Variants in COG5 observed in about 807,000 individuals in gnomAD.
The protein encoded by COG5 is conserved oligomeric Golgi complex subunit 5.
COG5 carries 86 observed loss-of-function variants against 110.4 expected under a neutral mutation model. The ratio of observed to expected loss-of-function variants is 0.78; its 90% confidence interval spans 0.65 to 0.93. The LOEUF is 0.93. Ranked by LOEUF, COG5 falls within the 40% of genes least tolerant of loss-of-function variation. The pLI, the probability that COG5 is intolerant of heterozygous loss-of-function variation, is 0.00. For missense variants in COG5, 1,077 were observed against 987.0 expected (o/e 1.09, Z -1.22); for synonymous variants, 360 against 334.6 (o/e 1.08, Z -0.83).
intron 6 of COG5, among the ~76,000 whole-genome samples, chr7:107,504,335 C>A (rs574077010): frequency 4.6e-5 from 7 of 152,048 alleles, no homozygotes; most frequent in Admixed American, 1.3e-4. Context: ...TCCCTGCATC[C>A]CTGAAATAAA....
At chr7:107,369,549 G>A (rs1001918445) in intron 8 of COG5, among the ~76,000 whole-genome samples, 1 of 151,866 alleles carries the variant, frequency 6.6e-6, no homozygotes, top group Non-Finnish European at 1.5e-5. Context: ...ACCACGCCCG[G>A]CTAATTTTTC....
At chr7:107,527,216 T>TAA (rs201626701) in intron 6 of COG5, 21 bp downstream of exon 6, 38,367 of 1,355,450 alleles carry the variant, frequency 0.028, 2 homozygotes, top group Non-Finnish European at 0.03. Flanking sequence ...ACTTTTTATT[T>TAA]AAAAAAAAAA....
At chr7:107,495,910 TATTTC>T (rs147728220) in intron 6 of COG5, among the ~76,000 whole-genome samples, 40,088 of 151,382 alleles carry the variant, frequency 0.26, 5,415 homozygotes, top group East Asian at 0.33. Context: ...CCAAATACTT[TATTTC>T]ATTTATTTTT....
intron 7 of COG5, among the ~76,000 whole-genome samples, chr7:107,376,035 G>T (rs191553197): frequency 1.3e-4 from 20 of 151,992 alleles, no homozygotes; most frequent in African/African-American, 4.8e-4. Context: ...TTTTCTACAT[G>T]AATACCCAAT....
At chr7:107,310,750 A>C (rs1173163771) in intron 11 of COG5, among the ~76,000 whole-genome samples, 1 of 152,200 alleles carries the variant, frequency 6.6e-6, no homozygotes, top group Non-Finnish European at 1.5e-5. Context: ...AAGACATCCC[A>C]AAAGAAGAGG....
chr7:107,541,188 A>G (rs539849442), intron 5 of COG5, among the ~76,000 whole-genome samples: 1 of 150,478 alleles, frequency 6.6e-6, no homozygotes, highest in South Asian at 2.1e-4. Context: ...GTATATGTTC[A>G]AGAAGGTAAA....
chr7:107,429,483 G>A (rs543984023), intron 6 of COG5, among the ~76,000 whole-genome samples: 4 of 151,480 alleles, frequency 2.6e-5, no homozygotes, highest in African/African-American at 9.7e-5. Context: ...TAAGAGATGG[G>A]GTCTTGCTAT....
rs183316857 is a variant in COG5 at position 107,262,190 on chromosome 7, G to A, written c.1576-3807C>T. On this transcript the variant is annotated intron_variant, in intron 14 of 21. Transcript: ENST00000297135. ...ACAGGCATGAGCCACCGCACCGGCC[G>A]TCCCTTTGATTCTAATTCCAATAAT... Among the ~76,000 whole-genome samples, 330 of 151,974 alleles carry A rather than the reference G, an allele frequency of 2.2e-3. 2 individuals are homozygous for A. The highest frequency in any genetic ancestry group is 7.5e-3 in the African/African-American group (309 of 41,472).
intron 6 of COG5, among the ~76,000 whole-genome samples, chr7:107,502,946 C>G (rs1476402294): frequency 2.0e-5 from 3 of 152,120 alleles, no homozygotes; most frequent in African/African-American, 7.2e-5. Flanking sequence ...GTCTTATCTT[C>G]TCCCGTTCTG....
intron 19 of COG5, among the ~76,000 whole-genome samples, chr7:107,228,368 T>A (rs1053445385): frequency 6.7e-6 from 1 of 150,322 alleles, no homozygotes; most frequent in Admixed American, 6.6e-5. Flanking sequence ...GCTTTTCTCA[T>A]ACCTTTTTCA....
intron 12 of COG5, among the ~76,000 whole-genome samples, chr7:107,295,522 T>G (rs1432698866): frequency 6.6e-6 from 1 of 152,100 alleles, no homozygotes; most frequent in African/African-American, 2.4e-5. Context: ...TAGGGCCTGA[T>G]TCCATTCATT....
chr7:107,498,317 G>A (rs1467453194), intron 6 of COG5, among the ~76,000 whole-genome samples: 2 of 152,074 alleles, frequency 1.3e-5, no homozygotes, highest in Non-Finnish European at 2.9e-5. Flanking sequence ...GCACAGCAAA[G>A]GAAACAAGAC....
chr7:107,473,231 G>A (rs1796745298), intron 6 of COG5, among the ~76,000 whole-genome samples: 1 of 151,790 alleles, frequency 6.6e-6, no homozygotes, highest in Non-Finnish European at 1.5e-5. Context: ...TTCTTAATGT[G>A]ATATTAAATT....
rs1189863857 is a variant in COG5 at position 107,372,776 on chromosome 7, G to C, written c.670-16C>G. The C allele has an allele frequency of 1.2e-6, 2 of 1,612,624 alleles. No individual in the cohort carries two copies. The highest frequency in any genetic ancestry group is 1.7e-6 in the Non-Finnish European group (2 of 1,179,374). ...GAGTTGGATTCTTAAAAAAAGGTGG[G>C]GTGGGGTGGAAACAGATATAAATAG... On this transcript the variant is annotated splice_polypyrimidine_tract_variant and intron_variant, in intron 7 of 21. Coordinates refer to ENST00000297135, the MANE Select transcript of COG5 (RefSeq NM_006348.5).
rs1483439595 is a variant in COG5 at position 107,311,283 on chromosome 7, AT to A, written c.1109-12938del. ...ATAGAGTATGTTATCAAACTTTTTG[AT>A]TTTTTGCTGATTTGATAGATGAGAA... On this transcript the variant is annotated intron_variant, in intron 11 of 21. Coordinates refer to ENST00000297135, the MANE Select transcript of COG5 (RefSeq NM_006348.5). 2.8e-5 allele frequency among the ~76,000 whole-genome samples: 4 copies of A among 141,292 alleles called. No individual in the cohort carries two copies. In the East Asian group the frequency reaches 8.8e-4, roughly 31 times the overall value. 92.7% of individuals were successfully genotyped at this position (141,292 alleles called of 152,430 possible).
At chr7:107,543,672 C>G (rs1291177627) in intron 5 of COG5, among the ~76,000 whole-genome samples, 1 of 152,176 alleles carries the variant, frequency 6.6e-6, no homozygotes, top group Non-Finnish European at 1.5e-5. Context: ...CCAGACCAGC[C>G]CAAGTGGCCC....
At chr7:107,228,107 C>T (rs1007101604) in intron 19 of COG5, among the ~76,000 whole-genome samples, 1 of 151,912 alleles carries the variant, frequency 6.6e-6, no homozygotes, top group Admixed American at 6.6e-5. Flanking sequence ...CAAGACCAGG[C>T]TGGGCAACAT....
At chr7:107,230,114 G>A (rs184436717) in intron 19 of COG5, among the ~76,000 whole-genome samples, 36 of 152,174 alleles carry the variant, frequency 2.4e-4, no homozygotes, top group African/African-American at 8.4e-4. Context: ...GCCTCCCAAA[G>A]TGCTGGGATT....
At chr7:107,314,928 A>G (rs984994295) in intron 11 of COG5, among the ~76,000 whole-genome samples, 2 of 152,184 alleles carry the variant, frequency 1.3e-5, no homozygotes, top group Admixed American at 1.3e-4. Flanking sequence ...TCTTATCTCA[A>G]GCCCTTAACA....
Sources: allele counts gnomAD v4.1 joint callset (sites outside exome capture counted in the v4.1 genomes callset), GRCh38; gene constraint gnomAD v4.1.1; transcripts MANE v1.5; gene names NCBI Gene and HGNC (gene_info 2026-07-23, HGNC 2026-07-21).